The following FBXL5 variants were observed in gnomAD, a reference collection of about 807,000 sequenced individuals.
The protein encoded by FBXL5 is F-box/LRR-repeat protein 5.
A neutral mutation model predicts 78.3 loss-of-function variants in FBXL5; 26 were observed. The observed-to-expected ratio is 0.33, with a 90% CI of 0.24 to 0.46. The LOEUF (loss-of-function observed/expected upper bound fraction) is 0.46, where lower values mean the gene tolerates loss of function less well. Among genes scored for constraint, FBXL5 ranks in the 20% least tolerant of loss-of-function variants. FBXL5 has a pLI of 1.00. For synonymous variants in FBXL5, 295 were observed against 282.5 expected, an observed-to-expected ratio of 1.04 and a Z score of -0.45; for missense variants, 710 against 829.2, an observed-to-expected ratio of 0.86 and a Z score of 1.77.
At chr4:15,639,708 T>C (rs1451935918) in intron 3 of FBXL5, among the ~76,000 whole-genome samples, 1 of 152,224 alleles carries the variant, frequency 6.6e-6, no homozygotes, top group Non-Finnish European at 1.5e-5. Flanking sequence ...TATATTACAA[T>C]GAGTTGGGGG....
intron 1 of FBXL5, among the ~76,000 whole-genome samples, chr4:15,676,578 A>G (rs988662182): frequency 1.3e-5 from 2 of 152,220 alleles, no homozygotes; most frequent in Non-Finnish European, 2.9e-5. Context: ...AATTATAAAA[A>G]TCTTAACACT....
upstream of FBXL5, among the ~76,000 whole-genome samples, chr4:15,657,177 C>A (rs1717029375): frequency 6.6e-6 from 1 of 152,022 alleles, no homozygotes; most frequent in Non-Finnish European, 1.5e-5. Context: ...CCCTCTATTT[C>A]TTTACCTCAT....
chr4:15,676,314 A>T (rs1256608879), intron 1 of FBXL5, among the ~76,000 whole-genome samples: 1 of 152,212 alleles, frequency 6.6e-6, no homozygotes, highest in Non-Finnish European at 1.5e-5. Flanking sequence ...AAATTTTACC[A>T]TTAGTTTACA....
upstream of FBXL5, among the ~76,000 whole-genome samples, chr4:15,658,191 T>C (rs1338311963): frequency 1.3e-5 from 2 of 152,246 alleles, no homozygotes; most frequent in African/African-American, 4.8e-5. Flanking sequence ...GACACAGCAC[T>C]TTCCCTAATA....
At chr4:15,608,777 TATG>T (rs1227428425) in intron 10 of FBXL5, among the ~76,000 whole-genome samples, 1 of 152,100 alleles carries the variant, frequency 6.6e-6, no homozygotes, top group African/African-American at 2.4e-5. Context: ...ACTACAATCC[TATG>T]ATAAGGTAAA....
chr4:15,606,222 A>G (rs1721877641), intron 10 of FBXL5, among the ~76,000 whole-genome samples: 1 of 152,192 alleles, frequency 6.6e-6, no homozygotes, highest in Admixed American at 6.5e-5. Flanking sequence ...GAGCAATTAC[A>G]ATAAATATTA....
chr4:15,663,349 T>A (rs1310961233), upstream of FBXL5, among the ~76,000 whole-genome samples: 1 of 152,216 alleles, frequency 6.6e-6, no homozygotes, highest in African/African-American at 2.4e-5. Flanking sequence ...TGAAATAGGA[T>A]ACCATAATAG....
intron 2 of FBXL5, 97 bp from the exon 3 acceptor site, chr4:15,640,980 GAA>G: frequency 1.8e-6 from 1 of 549,814 alleles, no homozygotes; most frequent in Non-Finnish European, 3.1e-6. Context: ...AACCTCCGGG[GAA>G]AAAAAAATAG....
At chr4:15,654,597 A>G (rs1490825665) in intron 1 of FBXL5, among the ~76,000 whole-genome samples, 1 of 152,244 alleles carries the variant, frequency 6.6e-6, no homozygotes, top group Admixed American at 6.5e-5. Flanking sequence ...ATGAAGAGTG[A>G]AGGTTCTTCA....
rs752264724 is a variant in FBXL5, at chr4:15,630,654, A to G, written c.892+12T>C. On this transcript the variant is annotated intron_variant, in intron 6 of 10. Transcript: ENST00000341285. ...AACACTATGTAATAATTTTAATTCC[A>G]AACAAGCTTACCAGATTCATCAATG... 1.9e-6 allele frequency: 3 copies of G among 1,544,260 alleles called. No individual in the cohort carries two copies. Among genetic ancestry groups the G allele is most frequent in the Non-Finnish European group, 2.6e-6 (3 of 1,158,056 alleles).
rs201385522 is a variant in FBXL5 at position 15,605,699 on chromosome 4, T to C, written c.*24A>G. 109 of 1,606,522 alleles carry C rather than the reference T, an allele frequency of 6.8e-5. No homozygotes were observed. In the African/African-American group the frequency reaches 7.2e-4, roughly 11 times the overall value. ...AGAAAGCCTGCTCAGCTAAATGAAG[T>C]AGACAAAGATCAGAAGTCAAGGGTC... On this transcript the variant is annotated 3_prime_UTR_variant, in exon 11 of 11. Coordinates refer to ENST00000341285, the MANE Select transcript of FBXL5 (RefSeq NM_012161.4).
chr4:15,646,304 T>C (rs529634466), intron 1 of FBXL5, among the ~76,000 whole-genome samples: 56 of 152,280 alleles, frequency 3.7e-4, no homozygotes, highest in African/African-American at 1.3e-3. Context: ...GTAAAAGTGA[T>C]GCTTGGCTCT....
At chr4:15,680,430 G>C (rs1189071233) in intron 1 of FBXL5, among the ~76,000 whole-genome samples, 1 of 152,188 alleles carries the variant, frequency 6.6e-6, no homozygotes. Context: ...CAGCACTTTG[G>C]GAGGCCCAAG....
At chr4:15,649,856 C>T (rs978681744) in intron 1 of FBXL5, among the ~76,000 whole-genome samples, 9 of 152,062 alleles carry the variant, frequency 5.9e-5, no homozygotes, top group African/African-American at 2.2e-4. Flanking sequence ...CAAACAGAGT[C>T]TCAGGAAGAA....
intron 1 of FBXL5, among the ~76,000 whole-genome samples, chr4:15,665,394 C>T (rs187207314): frequency 7.6e-4 from 116 of 152,268 alleles, no homozygotes; most frequent in African/African-American, 2.6e-3. Context: ...TCTCCAACAA[C>T]GGCTTATTAT....
upstream of FBXL5, among the ~76,000 whole-genome samples, chr4:15,658,064 T>G (rs74854556): frequency 4.1e-4 from 63 of 152,334 alleles, no homozygotes; most frequent in African/African-American, 1.4e-3. Context: ...ATATAACTTA[T>G]TCTGTTATCA....
At chr4:15,651,761 C>A (rs1204561767) in intron 1 of FBXL5, among the ~76,000 whole-genome samples, 1 of 151,874 alleles carries the variant, frequency 6.6e-6, no homozygotes, top group Admixed American at 6.6e-5. Context: ...CTTTTAATAC[C>A]CTTACCTGAA....
chr4:15,635,897 CAT>C (rs1714206410), intron 5 of FBXL5, among the ~76,000 whole-genome samples: 1 of 151,750 alleles, frequency 6.6e-6, no homozygotes, highest in African/African-American at 2.4e-5. Context: ...TAACTGTTCA[CAT>C]GTGAAAGTAA....
intron 1 of FBXL5, among the ~76,000 whole-genome samples, chr4:15,673,292 T>C (rs1229413129): frequency 6.6e-6 from 1 of 151,888 alleles, no homozygotes; most frequent in East Asian, 1.9e-4. Flanking sequence ...ATACAAAAAA[T>C]TAGCCGGGTG....
Sources: allele counts gnomAD v4.1 joint callset (sites outside exome capture counted in the v4.1 genomes callset), GRCh38; gene constraint gnomAD v4.1.1; transcripts MANE v1.5; gene names NCBI Gene and HGNC (gene_info 2026-07-23, HGNC 2026-07-21).